SYNE1: variants seen among roughly 807,000 people sequenced by gnomAD.
SYNE1 encodes spectrin repeat containing nuclear envelope protein 1.
In SYNE1, 616 loss-of-function variants were observed where a neutral mutation model predicts 1,111.0. The observed-to-expected ratio is 0.55, with a 90% CI of 0.52 to 0.59. The LOEUF (loss-of-function observed/expected upper bound fraction) is 0.59. SYNE1 is among the 20% of genes least tolerant of loss of function. The probability of loss-of-function intolerance (pLI) is 0.00; values close to 1 mark genes in which losing one functional copy is unlikely to be tolerated. For missense variants in SYNE1, 10,006 were observed against 10,417.0 expected (o/e 0.96, Z 1.72); for synonymous variants, 3,855 against 3,825.8 (o/e 1.01, Z -0.28).
At chr6:152,219,487 A>G (rs1429615445) in intron 119 of SYNE1, among the ~76,000 whole-genome samples, 1 of 116,740 alleles carries the variant, frequency 8.6e-6, no homozygotes, top group Non-Finnish European at 1.8e-5. Context: ...AAACATACAT[A>G]AACAAGAAAA....
At chr6:152,555,692 A>G (rs1302360442) in intron 3 of SYNE1, among the ~76,000 whole-genome samples, 2 of 152,234 alleles carry the variant, frequency 1.3e-5, no homozygotes, top group Non-Finnish European at 2.9e-5. Context: ...ATGTAAAGAC[A>G]TGAATGAATT....
At chr6:152,572,357 A>T (rs1335808207) in intron 3 of SYNE1, among the ~76,000 whole-genome samples, 2 of 152,206 alleles carry the variant, frequency 1.3e-5, no homozygotes, top group African/African-American at 4.8e-5. Context: ...CAAAATGCAC[A>T]ACAATCTAAT....
intron 127 of SYNE1, among the ~76,000 whole-genome samples, chr6:152,197,184 C>G (rs1454253544): frequency 6.6e-6 from 1 of 152,196 alleles, no homozygotes; most frequent in Non-Finnish European, 1.5e-5. Flanking sequence ...CTTTCCTACC[C>G]TCTTCATTGC....
chr6:152,396,754 A>G, intron 50 of SYNE1, 21 bp downstream of exon 50: 9 of 1,608,348 alleles, frequency 5.6e-6, no homozygotes, highest in Non-Finnish European at 7.7e-6. Flanking sequence ...GATGAAATCT[A>G]TGTTTGTTAA....
chr6:152,268,187 C>T lies in SYNE1; in HGVS notation c.18706-22G>A, dbSNP rs571129823. ...ACTCCTGCTCAAGGGAAAGGACAAACGCAAACACATTTGCTACTTTATGAT... is the reference window on the plus strand; with the variant it reads ...ACTCCTGCTCAAGGGAAAGGACAAATGCAAACACATTTGCTACTTTATGAT... On this transcript the variant is annotated intron_variant, in intron 99 of 145. Transcript: ENST00000367255. 1.8e-4 allele frequency: 288 copies of T among 1,580,542 alleles called. 8 individuals carry two copies. The South Asian group carries it at 2.7e-3, about 15-fold the overall frequency.
At position 152,344,150 on chromosome 6, in the gene SYNE1, A is replaced by G; in HGVS notation, c.12156T>C (p.Leu4052=). The G allele has an allele frequency of 6.2e-7, 1 of 1,614,232 alleles. No individual in the cohort carries two copies. The highest frequency in any genetic ancestry group is 8.5e-7 in the Non-Finnish European group (1 of 1,180,036). The change falls in exon 74 of 146, where the codon CTT becomes CTC. Residue 4052 remains leucine, a synonymous_variant. Transcript: ENST00000367255. ...QDTLQQCQAW[L]SAVQPDLEPS... Reference sequence around the variant, plus strand: ...GCTCTAAATCCGGCTGGACTGCAGAAAGCCAGGCCTGGCACTGCTGCAGGG... The same window carrying G: ...GCTCTAAATCCGGCTGGACTGCAGAGAGCCAGGCCTGGCACTGCTGCAGGG...
At chr6:152,276,130 G>C (rs370557911) in intron 98 of SYNE1, among the ~76,000 whole-genome samples, 3 of 148,460 alleles carry the variant, frequency 2.0e-5, no homozygotes, top group African/African-American at 7.5e-5. Context: ...TGCCTCCCAG[G>C]TTCAAGCAGT....
chr6:152,316,869 C>T lies in SYNE1; in HGVS notation c.16690G>A (p.Glu5564Lys), dbSNP rs750350315. The part of the protein sequence containing the change: ...IAWNSASQLR[E>K]QYILHQTLLE... Reference sequence around the variant, plus strand: ...GTTACCTGATGCAAAATATATTGTTCCCGAAGCTGGCTTGCAGAATTCCAT... The same window carrying T: ...GTTACCTGATGCAAAATATATTGTTTCCGAAGCTGGCTTGCAGAATTCCAT... Residue 5564 changes from glutamate to lysine, a missense_variant, in exon 87 of 146, where the codon GAA becomes AAA. Physicochemically the swap from Glu to Lys is moderately conservative, Grantham distance 56. Coordinates refer to ENST00000367255, the MANE Select transcript of SYNE1 (RefSeq NM_182961.4). 3.7e-6 allele frequency: 6 copies of T among 1,613,976 alleles called. No homozygotes were observed. Among genetic ancestry groups the T allele is most frequent in the Non-Finnish European group, 5.1e-6 (6 of 1,180,018 alleles).
chr6:152,363,228 C>T (rs1378042826), intron 63 of SYNE1, among the ~76,000 whole-genome samples: 19 of 144,362 alleles, frequency 1.3e-4, no homozygotes, highest in Non-Finnish European at 2.6e-4. Context: ...GGCGCGGTGA[C>T]TCACGCCTGT....
intron 40 of SYNE1, among the ~76,000 whole-genome samples, chr6:152,417,970 A>G (rs2098190433): frequency 6.6e-6 from 1 of 152,194 alleles, no homozygotes; most frequent in African/African-American, 2.4e-5. Context: ...TGACTAGCTC[A>G]CAATAAATCA....
intron 3 of SYNE1, among the ~76,000 whole-genome samples, chr6:152,622,886 G>A (rs1049319639): frequency 6.6e-6 from 1 of 152,070 alleles, no homozygotes; most frequent in African/African-American, 2.4e-5. Flanking sequence ...CCCACCAACA[G>A]CATGTAAGCA....
chr6:152,188,238 G>C (rs371528064), intron 128 of SYNE1, among the ~76,000 whole-genome samples: 3 of 152,134 alleles, frequency 2.0e-5, no homozygotes, highest in Admixed American at 6.5e-5. Context: ...CAGGGCACTC[G>C]GGGTATAGAA....
chr6:152,437,269 A>G (rs2154217052), intron 32 of SYNE1, among the ~76,000 whole-genome samples: 1 of 152,376 alleles, frequency 6.6e-6, no homozygotes, highest in Middle Eastern at 3.4e-3. Context: ...CATGTATCAC[A>G]TGATGGAAAG....
At chr6:152,452,129 T>C (rs2098656429) in intron 25 of SYNE1, among the ~76,000 whole-genome samples, 1 of 152,230 alleles carries the variant, frequency 6.6e-6, no homozygotes, top group South Asian at 2.1e-4. Context: ...ACATTTCATG[T>C]TCTTTTAAAT....
At chr6:152,219,231 C>T (rs1588085727) in intron 119 of SYNE1, 46 bp from the exon 120 acceptor site, 9 of 1,581,668 alleles carry the variant, frequency 5.7e-6, no homozygotes, top group African/African-American at 1.3e-5. Context: ...GTTGATACTC[C>T]TTATCATAAA....
chr6:152,248,969 G>T (rs1461273059), intron 105 of SYNE1, among the ~76,000 whole-genome samples, 192 bp downstream of exon 105: 1 of 152,138 alleles, frequency 6.6e-6, no homozygotes, highest in Non-Finnish European at 1.5e-5. Flanking sequence ...ACATTTCCTA[G>T]TTCTGTGCAG....
intron 121 of SYNE1, among the ~76,000 whole-genome samples, chr6:152,216,815 G>A (rs2078803960): frequency 6.6e-6 from 1 of 152,166 alleles, no homozygotes; most frequent in South Asian, 2.1e-4. Flanking sequence ...CAGTGCTTTG[G>A]GAGGCCAAGG....
At chr6:152,552,162 G>C (rs1405697) in intron 3 of SYNE1, among the ~76,000 whole-genome samples, 381 of 152,244 alleles carry the variant, frequency 2.5e-3, no homozygotes, top group African/African-American at 8.4e-3. Flanking sequence ...TGGTCACAGT[G>C]TTCGTATATT....
chr6:152,410,169 A>G (rs111500657), intron 42 of SYNE1: 31 of 158,764 alleles, frequency 2.0e-4, no homozygotes, highest in African/African-American at 7.0e-4. Flanking sequence ...ATTAAAGTAT[A>G]TATCAGATTT....
Sources: gnomAD v4.1 joint callset for allele counts (sites outside exome capture counted in the v4.1 genomes callset) on GRCh38, gnomAD v4.1.1 for gene constraint, MANE v1.5 for transcripts, NCBI Gene and HGNC (gene_info 2026-07-23, HGNC 2026-07-21) for gene names.